The following NUF2 variants were observed in gnomAD, a reference collection of about 807,000 sequenced individuals.
The protein encoded by NUF2 is NUF2 component of NDC80 kinetochore complex.
Under a neutral mutation model 61.8 loss-of-function variants are expected in NUF2, and 34 were observed. The ratio of observed to expected loss-of-function variants is 0.55; its 90% CI spans 0.42 to 0.73. The LOEUF is 0.73. Ranked by LOEUF, NUF2 falls within the 30% of genes least tolerant of loss-of-function variation. The probability of loss-of-function intolerance (pLI) is 0.00; values close to 1 mark genes in which losing one functional copy is unlikely to be tolerated. For synonymous variants in NUF2, 172 were observed against 181.6 expected, an observed-to-expected ratio of 0.95 and a Z score of 0.42; for missense variants, 445 against 539.1, an observed-to-expected ratio of 0.83 and a Z score of 1.73.
chr1:163,329,881 A>C (rs1365594189), intron 5 of NUF2, among the ~76,000 whole-genome samples: 1 of 152,326 alleles, frequency 6.6e-6, no homozygotes, highest in African/African-American at 2.4e-5. Flanking sequence ...CAAGGAAATT[A>C]GCTAGCAAGC....
Position 163,355,433 on chromosome 1 carries a change from T to A in NUF2, c.1359T>A (p.Ala453=). 6.2e-7 allele frequency: 1 copy of A among 1,603,210 alleles called. No homozygotes were observed. Among genetic ancestry groups the A allele is most frequent in the Non-Finnish European group, 8.5e-7 (1 of 1,174,386 alleles). ...DSYAKIDEKT[A]ELKRKMFKMS... is the part of the protein sequence containing the mutation. The stretch of plus-strand genomic sequence containing the variant: ...ATGCTAAGATAGATGAGAAGACAGC[T>A]GAACTGAAGAGGAAGATGTTCAAAA... Residue 453 remains alanine, a synonymous_variant, in exon 14 of 14, where the codon GCT becomes GCA. Coordinates refer to ENST00000271452, the MANE Select transcript of NUF2 (RefSeq NM_145697.3).
chr1:163,322,707 T>C (rs767400575), intron 1 of NUF2, among the ~76,000 whole-genome samples: 1 of 152,244 alleles, frequency 6.6e-6, no homozygotes, highest in South Asian at 2.1e-4. Flanking sequence ...GTGTGTAAAA[T>C]TTAACAGAGT....
intron 5 of NUF2, among the ~76,000 whole-genome samples, chr1:163,333,654 A>G (rs939206220): frequency 1.3e-5 from 2 of 151,990 alleles, no homozygotes; most frequent in Non-Finnish European, 2.9e-5. Context: ...TTAACATACC[A>G]TTGTCTATCT....
intron 5 of NUF2, 49 bp from the exon 6 acceptor site, chr1:163,336,702 A>G (rs759201924): frequency 2.6e-6 from 3 of 1,139,856 alleles, no homozygotes; most frequent in Middle Eastern, 2.0e-4. Flanking sequence ...TCATTTTCAT[A>G]TTATGTTAGT....
intron 13 of NUF2, among the ~76,000 whole-genome samples, chr1:163,352,249 C>T (rs957151794): frequency 7.2e-5 from 11 of 152,260 alleles, no homozygotes; most frequent in South Asian, 4.2e-4. Context: ...ATACATACAG[C>T]GCTCTTATTA....
intron 7 of NUF2, among the ~76,000 whole-genome samples, chr1:163,338,675 G>A (rs1008657593): frequency 6.6e-6 from 1 of 152,030 alleles, no homozygotes; most frequent in African/African-American, 2.4e-5. Flanking sequence ...TGCCTTTACA[G>A]GCAGACATTA....
chr1:163,346,607 C>T (rs1053202038), intron 11 of NUF2, among the ~76,000 whole-genome samples: 4 of 152,196 alleles, frequency 2.6e-5, no homozygotes, highest in African/African-American at 7.2e-5. Flanking sequence ...GTAATACCAG[C>T]ACTTCGGAAG....
rs200859782 is a variant in NUF2 at position 163,343,741 on chromosome 1, A to G, written c.678A>G (p.Leu226=). 144 of 1,399,046 alleles carry G rather than the reference A, an allele frequency of 1.0e-4. No individual in the cohort carries two copies. In the African/African-American group the frequency reaches 1.7e-3, roughly 17 times the overall value. The allele number at this position is 1,399,046 out of a possible 1,614,324, so 86.7% of individuals were successfully genotyped here. A position where few individuals can be genotyped will look rare whatever the true frequency, so the allele number is the denominator to read the frequency against. Reference sequence around the variant, plus strand: ...AAATGTTTTCTCAACAGAATGAACTAAAATTGTCGGTGGTTTCTTTGAAAG... The same window carrying G: ...AAATGTTTTCTCAACAGAATGAACTGAAATTGTCGGTGGTTTCTTTGAAAG... The part of the protein sequence containing the change: ...ISEKTKRLNE[L]KLSVVSLKEI... Residue 226 remains leucine, a synonymous_variant, in exon 10 of 14, where the codon CTA becomes CTG. Transcript: ENST00000271452.
chr1:163,353,762 T>A (rs1651404152), intron 13 of NUF2, among the ~76,000 whole-genome samples: 1 of 152,152 alleles, frequency 6.6e-6, no homozygotes, highest in South Asian at 2.1e-4. Context: ...AAACATCTTG[T>A]GAGGGTTGGC....
chr1:163,325,541 TACA>T (rs1650389104), intron 1 of NUF2, among the ~76,000 whole-genome samples: 2 of 152,234 alleles, frequency 1.3e-5, no homozygotes, highest in Non-Finnish European at 1.5e-5. Context: ...TATTTGCATC[TACA>T]ACCTTATTAG....
intron 4 of NUF2, 41 bp downstream of exon 4, chr1:163,328,345 A>G: frequency 8.1e-7 from 1 of 1,233,762 alleles, no homozygotes; most frequent in South Asian, 1.3e-5. Flanking sequence ...CTACATTCGT[A>G]TTTATATTAC....
Position 163,355,632 on chromosome 1 carries a change from G to A in NUF2, c.*163G>A, listed in dbSNP as rs917294677. ...TAGTTAATAAGATGAATTTAATGTA[G>A]GCTTTTATTAATTTATAATTAAAAT... On this transcript the variant is annotated 3_prime_UTR_variant, in exon 14 of 14. Coordinates refer to ENST00000271452, the MANE Select transcript of NUF2 (RefSeq NM_145697.3). 4.7e-6 allele frequency: 2 copies of A among 422,932 alleles called. No homozygotes were observed. The highest frequency in any genetic ancestry group is 4.3e-5 in the Admixed American group (1 of 23,026). 26.2% of individuals were successfully genotyped at this position (422,932 alleles called of 1,614,324 possible).
chr1:163,338,241 A>AAG, intron 7 of NUF2, 148 bp downstream of exon 7: 1 of 543,288 alleles, frequency 1.8e-6, no homozygotes, highest in Admixed American at 3.4e-5. Flanking sequence ...TTTTCTTAAA[A>AAG]AAAAAAAAAA....
intron 4 of NUF2, chr1:163,328,537 C>T (rs1029985799): frequency 1.2e-5 from 6 of 491,462 alleles, no homozygotes; most frequent in African/African-American, 2.0e-5. Context: ...TACTGTAAGT[C>T]GAAAATTGTT....
chr1:163,355,324 T>G lies in NUF2; in HGVS notation c.1261-11T>G. 1.3e-6 allele frequency: 2 copies of G among 1,587,806 alleles called. No homozygotes were observed. Among genetic ancestry groups the G allele is most frequent in the Non-Finnish European group, 1.7e-6 (2 of 1,167,092 alleles). On this transcript the variant is annotated splice_polypyrimidine_tract_variant and intron_variant, in intron 13 of 13. Transcript: ENST00000271452. ...TGGAATAATTATTATTCTGTTTCAT[T>G]TTCTACTTAGGAAATATTTCTAAAC...
In NUF2 at chr1:163,348,999, A is replaced by C. The variant is rs1459684853; in HGVS notation, c.1179A>C (p.Thr393=). 6.2e-7 allele frequency: 1 copy of C among 1,611,510 alleles called. No homozygotes were observed. Among genetic ancestry groups the C allele is most frequent in the African/African-American group, 1.3e-5 (1 of 74,828 alleles). ...GTGCTGTCTATGAACGAGTAACCAC[A>C]ATTAATCAAGAAATCCAAAAAATTA... ...KRGAVYERVT[T]INQEIQKIKL... is the part of the protein sequence containing the mutation. Residue 393 remains threonine, a synonymous_variant, in exon 13 of 14, where the codon ACA becomes ACC. Coordinates refer to ENST00000271452, the MANE Select transcript of NUF2 (RefSeq NM_145697.3).
At position 163,355,669 on chromosome 1, in the gene NUF2, C is replaced by A; in HGVS notation, c.*200C>A. ...TTTATAATTAAAATAACTTGTGCAG[C>A]TATTCATGTCTCTACTCTGCCCCTT... On this transcript the variant is annotated 3_prime_UTR_variant, in exon 14 of 14. Coordinates refer to ENST00000271452, the MANE Select transcript of NUF2 (RefSeq NM_145697.3). 1 of 354,134 alleles carries A rather than the reference C, an allele frequency of 2.8e-6. No homozygotes were observed. The highest frequency in any genetic ancestry group is 5.1e-6 in the Non-Finnish European group (1 of 195,072). 21.9% of individuals were successfully genotyped at this position (354,134 alleles called of 1,614,324 possible).
intron 2 of NUF2, 50 bp downstream of exon 2, chr1:163,326,224 T>G: frequency 6.3e-7 from 1 of 1,588,726 alleles, no homozygotes; most frequent in Non-Finnish European, 8.6e-7. Flanking sequence ...AGGGAAAAAG[T>G]AAGCTACTAG....
chr1:163,345,605 A>G, intron 10 of NUF2, 73 bp from the exon 11 acceptor site: 2 of 1,365,114 alleles, frequency 1.5e-6, no homozygotes, highest in Non-Finnish European at 2.0e-6. Context: ...ATTTAAGAGC[A>G]AACAAATTGA....
Sources: gnomAD v4.1 joint callset for allele counts (sites outside exome capture counted in the v4.1 genomes callset) on GRCh38, gnomAD v4.1.1 for gene constraint, MANE v1.5 for transcripts, NCBI Gene and HGNC (gene_info 2026-07-23, HGNC 2026-07-21) for gene names.